ATG7: variants seen among roughly 807,000 people sequenced by gnomAD.
ATG7 encodes autophagy related 7.
A neutral mutation model predicts 82.4 loss-of-function variants in ATG7; 70 were observed. The ratio of observed to expected loss-of-function variants is 0.85; its 90% CI spans 0.70 to 1.04. ATG7 has a LOEUF of 1.04. ATG7 is among the 50% of genes least tolerant of loss of function. The probability of loss-of-function intolerance (pLI) is 0.00; values close to 1 mark genes in which losing one functional copy is unlikely to be tolerated. For missense variants in ATG7, 792 were observed against 864.3 expected (o/e 0.92, Z 1.05); for synonymous variants, 287 against 313.0 (o/e 0.92, Z 0.88).
At chr3:11,411,004 T>A (rs1419445823) in intron 19 of ATG7, among the ~76,000 whole-genome samples, 2 of 152,242 alleles carry the variant, frequency 1.3e-5, no homozygotes, top group Non-Finnish European at 2.9e-5. Context: ...TTAATTTTTT[T>A]AAGTAACTGC....
chr3:11,299,334 T>C, intron 4 of ATG7, 28 bp from the exon 5 acceptor site: 3 of 1,595,774 alleles, frequency 1.9e-6, no homozygotes, highest in Admixed American at 1.7e-5. Flanking sequence ...TGACTTGTCA[T>C]TGAAAATGTG....
rs540439418 is a variant in ATG7 at position 11,477,302 on chromosome 3, A to G, written c.2079+50376A>G. The G allele has an allele frequency of 1.0e-5, 12 of 1,197,106 alleles. No homozygotes were observed. The South Asian group carries it at 1.9e-4, about 19-fold the overall frequency. 74.2% of individuals were successfully genotyped at this position (1,197,106 alleles called of 1,614,324 possible). A position where few individuals can be genotyped will look rare whatever the true frequency, so the allele number is the denominator to read the frequency against. ...ACAATGATGATAAAATAAAATGTAA[A>G]TAAGAATTTTTGTGCTACAAACTCC... On this transcript the variant is annotated intron_variant, in intron 20 of 20. Transcript: ENST00000693202.
chr3:11,277,687 G>A (rs1242646399), intron 1 of ATG7, among the ~76,000 whole-genome samples: 1 of 152,194 alleles, frequency 6.6e-6, no homozygotes, highest in East Asian at 1.9e-4. Flanking sequence ...AAGGGTCTAT[G>A]TTCAGCAGTG....
chr3:11,280,238 G>A lies in ATG7; in HGVS notation c.-365-756G>A, dbSNP rs186609684. ...TTTTTTTGTATTTTTAGTAGAGACG[G>A]GATTTCGCCATGTTGGCCGGGCATG... On this transcript the variant is annotated intron_variant, in intron 1 of 20. Coordinates refer to ENST00000693202, the MANE Select transcript of ATG7 (RefSeq NM_001349232.2). Among the ~76,000 whole-genome samples, 15 of 152,156 alleles carry A rather than the reference G, an allele frequency of 9.9e-5. No individual in the cohort carries two copies. In the East Asian group the frequency reaches 2.1e-3, roughly 22 times the overall value.
chr3:11,535,497 TTGA>T lies in ATG7; in HGVS notation c.2080-19311_2080-19309del, dbSNP rs145461141. Among the ~76,000 whole-genome samples the T allele has an allele frequency of 2.8e-3, 426 of 152,110 alleles. 1 individual carries two copies. The highest frequency in any genetic ancestry group is 5.1e-3 in the Non-Finnish European group (349 of 67,972). On this transcript the variant is annotated intron_variant, in intron 20 of 20. Coordinates refer to ENST00000693202, the MANE Select transcript of ATG7 (RefSeq NM_001349232.2). ...AGGCAGGTCTCAGAGCAGGCTCTCT[TTGA>T]TGGATTAGGGGGAGGTGGTGACAGT...
At position 11,322,592 on chromosome 3, in the gene ATG7, C is replaced by A. The variant is rs748907341; in HGVS notation, c.678+7099C>A. On this transcript the variant is annotated intron_variant, in intron 9 of 20. Coordinates refer to ENST00000693202, the MANE Select transcript of ATG7 (RefSeq NM_001349232.2). ...TGTACAGTATTTTGTTTTATTGTAG[C>A]ATTTTAGCATAATAGTATTATATTC... Among the ~76,000 whole-genome samples, 51 of 152,100 alleles carry A rather than the reference C, an allele frequency of 3.4e-4. 2 individuals carry two copies. In the Middle Eastern group the frequency reaches 0.02, roughly 61 times the overall value.
chr3:11,561,540 C>T (rs1430546399), downstream of ATG7, among the ~76,000 whole-genome samples: 1 of 152,200 alleles, frequency 6.6e-6, no homozygotes, highest in Non-Finnish European at 1.5e-5. Context: ...TCCACCACCC[C>T]TCCTCCCCAG....
intron 19 of ATG7, among the ~76,000 whole-genome samples, chr3:11,423,675 TG>T (rs1191625567): frequency 6.6e-6 from 1 of 152,116 alleles, no homozygotes; most frequent in Non-Finnish European, 1.5e-5. Context: ...CTAATCAGCC[TG>T]GGCTTGACTC....
At chr3:11,565,139 G>A in the ATG7 span, 1 of 1,042,992 alleles carries the variant, frequency 9.6e-7, no homozygotes, top group Middle Eastern at 2.6e-4. The surrounding 1 kb of genome is among the most constrained non-coding windows in gnomAD (Gnocchi z 4.1). Context: ...AGGTCGTGTG[G>A]CTGGGCAGCA....
chr3:11,423,760 T>A (rs1160836569), intron 19 of ATG7, among the ~76,000 whole-genome samples: 3 of 152,050 alleles, frequency 2.0e-5, no homozygotes, highest in Non-Finnish European at 4.4e-5. Flanking sequence ...AGCCTGCAGG[T>A]CTTTTCTTAC....
At chr3:11,424,179 C>T (rs1464734162) in intron 19 of ATG7, among the ~76,000 whole-genome samples, 1 of 152,104 alleles carries the variant, frequency 6.6e-6, no homozygotes, top group African/African-American at 2.4e-5. Flanking sequence ...GAGAGCTGCC[C>T]CTCCTTTCCA....
At chr3:11,519,744 G>C (rs749854506) in intron 20 of ATG7, among the ~76,000 whole-genome samples, 2 of 151,534 alleles carry the variant, frequency 1.3e-5, no homozygotes, top group African/African-American at 2.4e-5. Flanking sequence ...TGCATTTTTA[G>C]TAGAGACGGG....
At chr3:11,476,418 C>CTTTT (rs57639760) in intron 20 of ATG7, among the ~76,000 whole-genome samples, 1 of 139,462 alleles carries the variant, frequency 7.2e-6, no homozygotes, top group Non-Finnish European at 1.5e-5. Flanking sequence ...TGTGGTTTTT[C>CTTTT]TTTTTTTTTT....
At chr3:11,274,403 C>T (rs1194257678) in intron 1 of ATG7, among the ~76,000 whole-genome samples, 1 of 152,062 alleles carries the variant, frequency 6.6e-6, no homozygotes, top group African/African-American at 2.4e-5. Flanking sequence ...GTCAGGCTGA[C>T]TCATCAGAGA....
chr3:11,480,054 A>C (rs1264189745), intron 20 of ATG7, among the ~76,000 whole-genome samples: 1 of 151,856 alleles, frequency 6.6e-6, no homozygotes, highest in East Asian at 1.9e-4. Context: ...CAGCCTCCCA[A>C]GTAGCTGGGA....
chr3:11,419,254 A>G (rs2152929389), intron 19 of ATG7, among the ~76,000 whole-genome samples: 1 of 152,302 alleles, frequency 6.6e-6, no homozygotes, highest in South Asian at 2.1e-4. Flanking sequence ...TCATTGTTTA[A>G]GAATAATAGA....
downstream of ATG7, among the ~76,000 whole-genome samples, chr3:11,560,336 A>T (rs1378519189): frequency 6.6e-6 from 1 of 152,224 alleles, no homozygotes; most frequent in African/African-American, 2.4e-5. Flanking sequence ...CCCCCAGGAA[A>T]AGTATCTTCC....
chr3:11,363,132 C>A, intron 17 of ATG7: 1 of 536,744 alleles, frequency 1.9e-6, no homozygotes, highest in Admixed American at 3.2e-5. Context: ...ATTTCTGCAT[C>A]TTTCCGGACA....
intron 20 of ATG7, among the ~76,000 whole-genome samples, chr3:11,436,620 CTAT>C (rs1225055148): frequency 6.6e-6 from 1 of 152,114 alleles, no homozygotes; most frequent in Non-Finnish European, 1.5e-5. Context: ...GTTCCTAACA[CTAT>C]TATTTATTCA....
Sources: gnomAD v4.1 joint callset for allele counts (sites outside exome capture counted in the v4.1 genomes callset) on GRCh38, gnomAD v4.1.1 for gene constraint, Gnocchi (gnomAD v3.1) non-coding constraint, MANE v1.5 for transcripts, NCBI Gene and HGNC (gene_info 2026-07-23, HGNC 2026-07-21) for gene names.